FBXO38: variants seen among roughly 807,000 people sequenced by gnomAD.
FBXO38 encodes the protein F-box only protein 38.
A neutral mutation model predicts 131.9 loss-of-function variants in FBXO38; 53 were observed. That is an observed-to-expected ratio of 0.40 (90% confidence interval 0.32 to 0.51). FBXO38 has a LOEUF of 0.51. Ranked by LOEUF, FBXO38 falls within the 20% of genes least tolerant of loss-of-function variation. The pLI, the probability that FBXO38 is intolerant of heterozygous loss-of-function variation, is 0.53. For synonymous variants in FBXO38, 452 were observed against 505.6 expected, an observed-to-expected ratio of 0.89 and a Z score of 1.42; for missense variants, 1,076 against 1,475.6, an observed-to-expected ratio of 0.73 and a Z score of 4.44.
At chr5:148,439,013 C>T (rs1754515539) in intron 18 of FBXO38, among the ~76,000 whole-genome samples, 1 of 152,112 alleles carries the variant, frequency 6.6e-6, no homozygotes, top group Non-Finnish European at 1.5e-5. Context: ...AGTGTGTAAG[C>T]CTGGCCTCAA....
chr5:148,401,397 G>A (rs1752142088), intron 3 of FBXO38, among the ~76,000 whole-genome samples: 1 of 152,138 alleles, frequency 6.6e-6, no homozygotes, highest in Admixed American at 6.5e-5. Context: ...ACTTGCATCT[G>A]TCTTTTTCAA....
chr5:148,415,913 T>C lies in FBXO38; in HGVS notation c.1265-15T>C. ...GTTACTTAGATTTTCTCTGGTCATG[T>C]CATTTCTTTAACAGACCACTCAAGA... On this transcript the variant is annotated splice_polypyrimidine_tract_variant and intron_variant, in intron 10 of 21. Transcript: ENST00000340253. 2 of 1,613,200 alleles carry C rather than the reference T, an allele frequency of 1.2e-6. No homozygotes were observed. Among genetic ancestry groups the C allele is most frequent in the Admixed American group, 1.7e-5 (1 of 59,970 alleles).
intron 15 of FBXO38, chr5:148,430,164 T>TA (rs1259121369): frequency 6.1e-5 from 9 of 147,972 alleles, no homozygotes; most frequent in Non-Finnish European, 1.2e-4. Context: ...TATTATTTTT[T>TA]TTTTTTTTGA....
chr5:148,435,289 C>T (rs1249607147), intron 17 of FBXO38, among the ~76,000 whole-genome samples: 2 of 152,144 alleles, frequency 1.3e-5, no homozygotes, highest in Non-Finnish European at 2.9e-5. Flanking sequence ...TTCTCCATAT[C>T]ATCAATAAGG....
intron 3 of FBXO38, among the ~76,000 whole-genome samples, chr5:148,400,538 AAG>A (rs1752085146): frequency 6.6e-6 from 1 of 152,142 alleles, no homozygotes; most frequent in African/African-American, 2.4e-5. Flanking sequence ...ATGAATGTAA[AAG>A]AGAGTTGAAG....
intron 2 of FBXO38, 144 bp from the exon 3 acceptor site, chr5:148,398,855 G>T (rs1034610100): frequency 4.6e-5 from 41 of 881,870 alleles, no homozygotes; most frequent in Non-Finnish European, 6.4e-5. Flanking sequence ...CTGTATGACC[G>T]TATGTGTGGT....
chr5:148,435,648 T>A (rs1411856240), intron 17 of FBXO38, among the ~76,000 whole-genome samples: 1 of 152,130 alleles, frequency 6.6e-6, no homozygotes, highest in African/African-American at 2.4e-5. Flanking sequence ...CGGGTGCCTG[T>A]AGTCCCAGCT....
At chr5:148,406,763 T>G (rs956660325) in intron 7 of FBXO38, among the ~76,000 whole-genome samples, 5 of 152,246 alleles carry the variant, frequency 3.3e-5, no homozygotes, top group Middle Eastern at 6.8e-3. Context: ...CAAAAAAAAT[T>G]TAGGCATTAA....
chr5:148,402,207 G>A, intron 4 of FBXO38, 62 bp downstream of exon 4: 1 of 1,568,052 alleles, frequency 6.4e-7, no homozygotes, highest in Non-Finnish European at 8.7e-7. Flanking sequence ...ACCAAAGAAT[G>A]ATAGACGTGT....
At chr5:148,430,178 G>T (rs1476649012) in intron 15 of FBXO38, 1 of 142,790 alleles carries the variant, frequency 7.0e-6, no homozygotes, top group East Asian at 2.1e-4. Flanking sequence ...TTTTTGAGAC[G>T]AATTCTCGCT....
At chr5:148,391,008 T>C (rs1758169907) in intron 1 of FBXO38, among the ~76,000 whole-genome samples, 1 of 152,226 alleles carries the variant, frequency 6.6e-6, no homozygotes, top group African/African-American at 2.4e-5. Context: ...GTATAACAAC[T>C]GGTGGATTGG....
intron 9 of FBXO38, among the ~76,000 whole-genome samples, chr5:148,411,602 A>G (rs993203778): frequency 2.0e-5 from 3 of 152,162 alleles, no homozygotes; most frequent in African/African-American, 4.8e-5. Flanking sequence ...CATTTCTAAT[A>G]TATATTACAA....
chr5:148,406,173 T>A, intron 6 of FBXO38, 84 bp from the exon 7 acceptor site: 1 of 1,312,952 alleles, frequency 7.6e-7, no homozygotes, highest in Non-Finnish European at 1.0e-6. Flanking sequence ...TTAGAGTTTA[T>A]AAGTTATACA....
chr5:148,429,679 G>T (rs1753922538), intron 15 of FBXO38, among the ~76,000 whole-genome samples: 1 of 151,860 alleles, frequency 6.6e-6, no homozygotes, highest in South Asian at 2.1e-4. Flanking sequence ...TCCTGTTTAG[G>T]GACTGTTATG....
chr5:148,429,369 T>G (rs1170249911), intron 15 of FBXO38, among the ~76,000 whole-genome samples: 1 of 152,150 alleles, frequency 6.6e-6, no homozygotes, highest in Non-Finnish European at 1.5e-5. Flanking sequence ...ACCATCTTGT[T>G]TCAATATTGG....
intron 1 of FBXO38, among the ~76,000 whole-genome samples, chr5:148,389,345 G>A (rs567613419): frequency 1.3e-5 from 2 of 152,198 alleles, no homozygotes; most frequent in African/African-American, 4.8e-5. Context: ...CTTGCCTGAC[G>A]CAGTGTTGCC....
intron 17 of FBXO38, among the ~76,000 whole-genome samples, chr5:148,436,646 A>T (rs1754361963): frequency 6.6e-6 from 1 of 152,226 alleles, no homozygotes; most frequent in African/African-American, 2.4e-5. Flanking sequence ...AAGAAATCCC[A>T]TTAAAAGGTA....
intron 8 of FBXO38, among the ~76,000 whole-genome samples, chr5:148,409,646 T>C (rs1420888023): frequency 1.3e-5 from 2 of 152,252 alleles, no homozygotes; most frequent in African/African-American, 2.4e-5. Flanking sequence ...TTTTCCAAAG[T>C]CTGACCTTGT....
intron 14 of FBXO38, among the ~76,000 whole-genome samples, chr5:148,426,253 C>T (rs528836391): frequency 4.6e-5 from 7 of 152,246 alleles, no homozygotes; most frequent in South Asian, 4.1e-4. Context: ...CCTTTGGTTT[C>T]GCAGAACCAC....
Sources: gnomAD v4.1 joint callset for allele counts (sites outside exome capture counted in the v4.1 genomes callset) on GRCh38, gnomAD v4.1.1 for gene constraint, MANE v1.5 for transcripts, NCBI Gene and HGNC (gene_info 2026-07-23, HGNC 2026-07-21) for gene names.